The following CSMD1 variants were observed in gnomAD, a reference collection of about 807,000 sequenced individuals.
CSMD1 encodes the protein CUB and Sushi multiple domains 1.
Under a neutral mutation model 417.5 loss-of-function variants are expected in CSMD1, and 213 were observed. The observed-to-expected ratio is 0.51, with a 90% CI of 0.46 to 0.57. CSMD1 has a LOEUF of 0.57. Ranked by LOEUF, CSMD1 falls within the 20% of genes least tolerant of loss-of-function variation. The probability of loss-of-function intolerance (pLI) is 0.00; values close to 1 mark genes in which losing one functional copy is unlikely to be tolerated. For synonymous variants in CSMD1, 2,862 were observed against 1,736.8 expected (o/e 1.65, Z -16.11); for missense variants, 6,923 against 4,529.7 (o/e 1.53, Z -15.17).
chr8:4,292,585 C>A (rs1797434694), intron 3 of CSMD1, among the ~76,000 whole-genome samples: 1 of 152,282 alleles, frequency 6.6e-6, no homozygotes, highest in African/African-American at 2.4e-5. Flanking sequence ...GAATTTATAA[C>A]AACCCACTAT....
At chr8:3,604,146 GTTC>G (rs1422818560) in intron 8 of CSMD1, among the ~76,000 whole-genome samples, 7 of 152,220 alleles carry the variant, frequency 4.6e-5, no homozygotes, top group South Asian at 2.1e-4. Flanking sequence ...ATAAAACAAA[GTTC>G]TTCTCTCTAC....
rs146805149 is a variant in CSMD1 at position 3,991,376 on chromosome 8, G to A, written c.818+6527C>T. The stretch of plus-strand genomic sequence containing the variant: ...CTCCACCTACCTAAGACTTCAGTGC[G>A]TCACGGTTGCATATATAACCCTGTT... On this transcript the variant is annotated intron_variant, in intron 5 of 69. Transcript: ENST00000635120. Among the ~76,000 whole-genome samples, 64 of 152,266 alleles carry A rather than the reference G, an allele frequency of 4.2e-4. 1 individual carries two copies. Among genetic ancestry groups the A allele is most frequent in the East Asian group, 2.5e-3 (13 of 5,172 alleles).
At chr8:4,875,050 T>G (rs1426305325) in intron 1 of CSMD1, among the ~76,000 whole-genome samples, 2 of 151,930 alleles carry the variant, frequency 1.3e-5, no homozygotes, top group Non-Finnish European at 2.9e-5. Context: ...CTGTCTTTCT[T>G]TCTTTCTTCC....
intron 3 of CSMD1, among the ~76,000 whole-genome samples, chr8:4,258,117 C>T: frequency 6.6e-6 from 1 of 150,916 alleles, no homozygotes; most frequent in Non-Finnish European, 1.5e-5. Flanking sequence ...CTATTTTTTT[C>T]TATTTTTAGT....
intron 54 of CSMD1, among the ~76,000 whole-genome samples, chr8:2,989,796 A>T (rs561107410): frequency 1.3e-5 from 2 of 152,346 alleles, no homozygotes; most frequent in South Asian, 4.1e-4. Context: ...AGTTCAGTTA[A>T]TCTCTCATTC....
At chr8:3,525,867 ATGT>A (rs1013916932) in intron 10 of CSMD1, among the ~76,000 whole-genome samples, 8 of 152,262 alleles carry the variant, frequency 5.3e-5, no homozygotes, top group South Asian at 2.1e-4. Flanking sequence ...CCATTAGAAA[ATGT>A]TATTAACTTG....
chr8:3,918,984 T>G (rs1174124065), intron 5 of CSMD1, among the ~76,000 whole-genome samples: 1 of 151,930 alleles, frequency 6.6e-6, no homozygotes. Context: ...CTAAAAAACT[T>G]ATTCATGTAA....
intron 5 of CSMD1, among the ~76,000 whole-genome samples, chr8:3,767,161 T>C (rs2129057669): frequency 6.6e-6 from 1 of 152,350 alleles, no homozygotes; most frequent in East Asian, 1.9e-4. Flanking sequence ...CTGTCTGTGC[T>C]GTGCTTCTTA....
At chr8:4,886,653 A>G (rs563976263) in intron 1 of CSMD1, among the ~76,000 whole-genome samples, 123 of 152,052 alleles carry the variant, frequency 8.1e-4, no homozygotes, top group African/African-American at 2.9e-3. Context: ...AGATATTTTT[A>G]TTTCCAAGTA....
intron 3 of CSMD1, among the ~76,000 whole-genome samples, chr8:4,325,153 G>T (rs547295732): frequency 6.6e-6 from 1 of 152,116 alleles, no homozygotes; most frequent in Non-Finnish European, 1.5e-5. Context: ...ACAAGACACA[G>T]GGGAAAGAGG....
Position 3,284,199 on chromosome 8 carries a change from C to G in CSMD1, c.4098G>C (p.Leu1366=). The change falls in exon 26 of 70, where the codon CTG becomes CTC. Residue 1366 remains leucine, a synonymous_variant. Coordinates refer to ENST00000635120, the MANE Select transcript of CSMD1 (RefSeq NM_033225.6). The part of the protein sequence containing the change: ...DIHSTFNSLT[L]QFDSDFFISK... ...TGATGAAGAAGTCGCTGTCGAACTG[C>G]AGGGTGAGTGAGTTGAAGGTGCTGT... is the stretch of plus-strand genomic sequence containing the variant. 6.2e-7 allele frequency: 1 copy of G among 1,606,140 alleles called. No individual in the cohort carries two copies. Among genetic ancestry groups the G allele is most frequent in the Non-Finnish European group, 8.5e-7 (1 of 1,176,488 alleles).
intron 27 of CSMD1, among the ~76,000 whole-genome samples, chr8:3,229,083 G>A (rs866959075): frequency 3.3e-5 from 5 of 151,990 alleles, no homozygotes; most frequent in Non-Finnish European, 5.9e-5. Context: ...AAGTAGGAGC[G>A]CCGTATCACA....
intron 3 of CSMD1, among the ~76,000 whole-genome samples, chr8:4,250,576 A>C (rs1397517321): frequency 6.6e-6 from 1 of 152,160 alleles, no homozygotes; most frequent in South Asian, 2.1e-4. Context: ...TTTTCTTTTA[A>C]TAAACTCATG....
At chr8:3,217,442 G>A (rs1259010938) in intron 29 of CSMD1, among the ~76,000 whole-genome samples, 2 of 152,124 alleles carry the variant, frequency 1.3e-5, no homozygotes, top group Non-Finnish European at 2.9e-5. Context: ...AGGATGCCGG[G>A]GAGAACAGGA....
chr8:3,753,171 A>T (rs1053932634), intron 6 of CSMD1, among the ~76,000 whole-genome samples: 1 of 152,142 alleles, frequency 6.6e-6, no homozygotes, highest in African/African-American at 2.4e-5. Flanking sequence ...CATCGTCACA[A>T]TGTGGGGAAA....
chr8:3,496,578 A>G (rs1239262450), intron 10 of CSMD1, among the ~76,000 whole-genome samples: 1 of 152,140 alleles, frequency 6.6e-6, no homozygotes, highest in Non-Finnish European at 1.5e-5. Flanking sequence ...TTCATTTCCC[A>G]GCACTTTGGG....
At chr8:4,167,965 TA>T (rs2131123743) in intron 3 of CSMD1, among the ~76,000 whole-genome samples, 1 of 151,936 alleles carries the variant, frequency 6.6e-6, no homozygotes, top group African/African-American at 2.4e-5. Flanking sequence ...CTATCTCTAC[TA>T]AAAATACAAA....
intron 3 of CSMD1, among the ~76,000 whole-genome samples, chr8:4,413,443 T>C (rs911269449): frequency 2.6e-5 from 4 of 152,220 alleles, no homozygotes; most frequent in Admixed American, 2.6e-4. Context: ...TCAGCGTCTC[T>C]CTTCTAATGA....
intron 2 of CSMD1, among the ~76,000 whole-genome samples, chr8:4,445,398 T>C (rs1235727380): frequency 2.0e-5 from 3 of 152,234 alleles, no homozygotes; most frequent in Non-Finnish European, 2.9e-5. Flanking sequence ...TCTATGCTTT[T>C]GGATTATTCT....
Sources: gnomAD v4.1 joint callset for allele counts (sites outside exome capture counted in the v4.1 genomes callset) on GRCh38, gnomAD v4.1.1 for gene constraint, MANE v1.5 for transcripts, NCBI Gene and HGNC (gene_info 2026-07-23, HGNC 2026-07-21) for gene names.